Variants in ERICH6B observed in about 807,000 individuals in gnomAD.
ERICH6B encodes glutamate rich 6B, also known as glutamate-rich protein 6B.
Under a neutral mutation model 80.0 loss-of-function variants are expected in ERICH6B, and 69 were observed. The ratio of observed to expected loss-of-function variants is 0.86; its 90% CI spans 0.71 to 1.05. The LOEUF (loss-of-function observed/expected upper bound fraction) is 1.05. ERICH6B is among the 50% of genes least tolerant of loss of function. The pLI is 0.00. For synonymous variants in ERICH6B, 283 were observed against 291.9 expected, an observed-to-expected ratio of 0.97 and a Z score of 0.31; for missense variants, 754 against 796.1, an observed-to-expected ratio of 0.95 and a Z score of 0.64.
At chr13:45,582,625 ATGT>A (rs1184804035) in intron 5 of ERICH6B, among the ~76,000 whole-genome samples, 1 of 152,230 alleles carries the variant, frequency 6.6e-6, no homozygotes, top group Admixed American at 6.5e-5. Context: ...ATTATAAAAA[ATGT>A]TGTACTGGAC....
rs115421098 is a variant in ERICH6B at position 45,583,409 on chromosome 13, G to A, written c.857-2744C>T. Among the ~76,000 whole-genome samples, 741 of 152,224 alleles carry A rather than the reference G, an allele frequency of 4.9e-3. 4 individuals are homozygous for A. The highest frequency in any genetic ancestry group is 0.016 in the African/African-American group (685 of 41,520). ...CAGTTTTCCTGACACTATTCTTAAA[G>A]TTCACAGCCATTTTCCTACATTTAT... On this transcript the variant is annotated intron_variant, in intron 5 of 14. Coordinates refer to ENST00000298738, the MANE Select transcript of ERICH6B (RefSeq NM_182542.3).
chr13:45,554,060 G>A (rs1874334741), intron 11 of ERICH6B, among the ~76,000 whole-genome samples: 1 of 152,120 alleles, frequency 6.6e-6, no homozygotes, highest in Non-Finnish European at 1.5e-5. Flanking sequence ...TAGTCCCCAT[G>A]ATGTACAATA....
intron 11 of ERICH6B, among the ~76,000 whole-genome samples, chr13:45,556,439 T>C (rs1874441253): frequency 6.6e-6 from 1 of 152,192 alleles, no homozygotes. Flanking sequence ...GAACAGGTGG[T>C]ATTTGGTTAC....
chr13:45,561,437 G>T lies in ERICH6B; in HGVS notation c.1339C>A (p.Pro447Thr). Residue 447 changes from proline to threonine, a missense_variant, in exon 11 of 15, where the codon CCT becomes ACT. By Grantham distance (38) the Pro-to-Thr change is conservative (BLOSUM62 -1). Transcript: ENST00000298738. ...EKPETEEIQK[P>T]QRVVHHRKKL... ...TTCCTATGATGAACAACACGTTGAG[G>T]CTTTTGGATTTCTTCTGTCTCAGGC... The T allele has an allele frequency of 6.4e-7, 1 of 1,552,222 alleles. No individual in the cohort carries two copies. Among genetic ancestry groups the T allele is most frequent in the Non-Finnish European group, 8.7e-7 (1 of 1,147,118 alleles).
intron 6 of ERICH6B, 45 bp downstream of exon 6, chr13:45,580,558 G>C: frequency 6.5e-7 from 1 of 1,539,774 alleles, no homozygotes; most frequent in South Asian, 1.2e-5. Flanking sequence ...CTCTGGGATG[G>C]ATGACTAACT....
At chr13:45,594,663 G>A (rs1470893634) in intron 3 of ERICH6B, among the ~76,000 whole-genome samples, 1 of 152,244 alleles carries the variant, frequency 6.6e-6, no homozygotes, top group East Asian at 1.9e-4. Context: ...ATTTGATGGA[G>A]AGGGACATAA....
chr13:45,542,232 G>A (rs958800820), intron 14 of ERICH6B, among the ~76,000 whole-genome samples: 2 of 152,174 alleles, frequency 1.3e-5, no homozygotes, highest in African/African-American at 2.4e-5. Context: ...GACGATACCC[G>A]TGTGCTCCAT....
At chr13:45,575,815 G>A (rs1875377377) in intron 7 of ERICH6B, among the ~76,000 whole-genome samples, 2 of 152,160 alleles carry the variant, frequency 1.3e-5, no homozygotes, top group Non-Finnish European at 2.9e-5. Flanking sequence ...AAGCTGAATT[G>A]TGGAATTGAT....
chr13:45,610,567 T>A (rs1359382326), intron 1 of ERICH6B, among the ~76,000 whole-genome samples: 1 of 152,200 alleles, frequency 6.6e-6, no homozygotes, highest in Non-Finnish European at 1.5e-5. Context: ...ACCTGTCAGG[T>A]GGTTACAATG....
intron 3 of ERICH6B, among the ~76,000 whole-genome samples, chr13:45,595,832 A>G (rs1315768744): frequency 6.6e-6 from 1 of 151,840 alleles, no homozygotes; most frequent in Non-Finnish European, 1.5e-5. Context: ...TTTTGTAGAG[A>G]TGAGGTGTGG....
intron 13 of ERICH6B, among the ~76,000 whole-genome samples, chr13:45,547,017 C>A (rs1271327414): frequency 6.6e-6 from 1 of 152,182 alleles, no homozygotes; most frequent in Non-Finnish European, 1.5e-5. Context: ...ATAAAAATAA[C>A]AAATGAACAA....
intron 1 of ERICH6B, among the ~76,000 whole-genome samples, chr13:45,607,887 C>T (rs996845423): frequency 2.0e-5 from 3 of 152,150 alleles, no homozygotes; most frequent in Non-Finnish European, 4.4e-5. Context: ...CGCCAAGGCT[C>T]CCTGGGCACT....
In ERICH6B at chr13:45,580,604, T is replaced by G; in HGVS notation, c.918A>C (p.Glu306Asp). The change falls in exon 6 of 15, where the codon GAA becomes GAC. Residue 306 changes from glutamate (E) to aspartate (D), a missense_variant and splice_region_variant. Coordinates refer to ENST00000298738, the MANE Select transcript of ERICH6B (RefSeq NM_182542.3). ...EQETTTKLAP[E>D]EHVNTKVQQK... ...ATTTAAAATCATCATAAACTTTACC[T>G]TCCGGAGCCAGCTTCGTGGTGGTTT... is the stretch of plus-strand genomic sequence containing the variant. The G allele has an allele frequency of 6.4e-7, 1 of 1,551,664 alleles. No homozygotes were observed. Among genetic ancestry groups the G allele is most frequent in the Non-Finnish European group, 8.7e-7 (1 of 1,146,960 alleles).
rs368877765 is a variant in ERICH6B at position 45,571,753 on chromosome 13, G to A, written c.1050+3089C>T. On this transcript the variant is annotated intron_variant, in intron 8 of 14. Coordinates refer to ENST00000298738, the MANE Select transcript of ERICH6B (RefSeq NM_182542.3). ...AAGTTGAAATGAGGTCCTCAGGGTG[G>A]GCTCTAATCCAGTATGACTGGTGTC... Among the ~76,000 whole-genome samples, 76 of 152,258 alleles carry A rather than the reference G, an allele frequency of 5.0e-4. 2 individuals are homozygous for A. Among genetic ancestry groups the A allele is most frequent in the African/African-American group, 1.6e-3 (68 of 41,534 alleles).
chr13:45,570,669 G>A (rs1356190645), intron 8 of ERICH6B, among the ~76,000 whole-genome samples: 1 of 152,162 alleles, frequency 6.6e-6, no homozygotes, highest in African/African-American at 2.4e-5. Flanking sequence ...GCAGCCGCAG[G>A]TTCCATGTGG....
chr13:45,550,201 A>C lies in ERICH6B; in HGVS notation c.1493+30T>G. 3.2e-6 allele frequency: 5 copies of C among 1,546,066 alleles called. No individual in the cohort carries two copies. In the African/African-American group the frequency reaches 5.5e-5, roughly 17 times the overall value. On this transcript the variant is annotated intron_variant, in intron 12 of 14. Transcript: ENST00000298738. ...ACATTTTAGGTGCCAATATATGTCAATACGAGCATCCCTGTGCTTCTGTGG... is the reference window on the plus strand; with the variant it reads ...ACATTTTAGGTGCCAATATATGTCACTACGAGCATCCCTGTGCTTCTGTGG...
intron 11 of ERICH6B, among the ~76,000 whole-genome samples, chr13:45,552,346 C>T (rs551110077): frequency 4.6e-5 from 7 of 152,218 alleles, no homozygotes; most frequent in Admixed American, 1.3e-4. Flanking sequence ...CCGTTGTTCC[C>T]CTGCTTCCTC....
intron 13 of ERICH6B, among the ~76,000 whole-genome samples, chr13:45,547,993 G>T (rs1003270820): frequency 6.6e-6 from 1 of 152,180 alleles, no homozygotes; most frequent in African/African-American, 2.4e-5. Context: ...TGCTCAGGGG[G>T]TGAAAAGATC....
At chr13:45,568,172 C>T (rs1432324809) in intron 9 of ERICH6B, 143 bp downstream of exon 9, 2 of 884,568 alleles carry the variant, frequency 2.3e-6, no homozygotes, top group Non-Finnish European at 3.3e-6. Flanking sequence ...CTGTGCTTGG[C>T]CTGTTCCTGC....
Sources: allele counts gnomAD v4.1 joint callset (sites outside exome capture counted in the v4.1 genomes callset), GRCh38; gene constraint gnomAD v4.1.1; transcripts MANE v1.5; gene names NCBI Gene and HGNC (gene_info 2026-07-23, HGNC 2026-07-21).